GTF2F2: variants seen among roughly 807,000 people sequenced by gnomAD.
The protein encoded by GTF2F2 is general transcription factor IIF subunit 2.
GTF2F2 carries 23 observed loss-of-function variants against 42.2 expected under a neutral mutation model. That is an observed-to-expected ratio of 0.55 (90% CI 0.39 to 0.77). The LOEUF (loss-of-function observed/expected upper bound fraction) is 0.77, where lower values mean the gene tolerates loss of function less well. GTF2F2 is among the 30% of genes least tolerant of loss of function. The probability of loss-of-function intolerance (pLI) is 0.00; values close to 1 mark genes in which losing one functional copy is unlikely to be tolerated. For missense variants in GTF2F2, 261 were observed against 287.2 expected (o/e 0.91, Z 0.66); for synonymous variants, 105 against 100.8 (o/e 1.04, Z -0.25).
chr13:45,280,129 A>G (rs1465096325), intron 7 of GTF2F2, among the ~76,000 whole-genome samples: 1 of 152,226 alleles, frequency 6.6e-6, no homozygotes, highest in Non-Finnish European at 1.5e-5. Context: ...GATAAACGTT[A>G]CAAGGAAGGG....
rs899129187 is a variant in GTF2F2, at chr13:45,207,100, A to G, written c.305-324A>G. On this transcript the variant is annotated intron_variant, in intron 4 of 7. Coordinates refer to ENST00000340473, the MANE Select transcript of GTF2F2 (RefSeq NM_004128.3). ...GTTTTCAGAAGTTACTTCTTTGTCA[A>G]AGACGATAGCCTTTATACTCTTTAA... 1.8e-4 allele frequency: 36 copies of G among 199,554 alleles called. 1 individual carries two copies. Among genetic ancestry groups the G allele is most frequent in the African/African-American group, 6.9e-4 (30 of 43,506 alleles). The allele number at this position is 199,554 out of a possible 1,614,324, so 12.4% of individuals were successfully genotyped here. A position where few individuals can be genotyped will look rare whatever the true frequency, so the allele number is the denominator to read the frequency against.
intron 4 of GTF2F2, among the ~76,000 whole-genome samples, chr13:45,159,820 A>G (rs1188540406): frequency 6.6e-6 from 1 of 152,140 alleles, no homozygotes; most frequent in Non-Finnish European, 1.5e-5. Context: ...GGGAAACATT[A>G]ATTTGGTGCA....
At chr13:45,281,939 C>T (rs980533504) in intron 7 of GTF2F2, among the ~76,000 whole-genome samples, 15 of 152,326 alleles carry the variant, frequency 9.8e-5, no homozygotes, top group African/African-American at 3.4e-4. Context: ...TGGCTCAGGC[C>T]TGTAATCCCA....
At position 45,248,503 on chromosome 13, in the gene GTF2F2, C is replaced by T. The variant is rs186474830; in HGVS notation, c.387-4368C>T. Among the ~76,000 whole-genome samples, 193 of 151,414 alleles carry T rather than the reference C, an allele frequency of 1.3e-3. 2 individuals carry two copies. The highest frequency in any genetic ancestry group is 4.6e-3 in the African/African-American group (188 of 41,262). ...GTTTTTTGTTTTTGAGACGGAGTTT[C>T]GCTCTTGTTGCCCAGACTGGAGTGC... is the stretch of plus-strand genomic sequence containing the variant. On this transcript the variant is annotated intron_variant, in intron 5 of 7. Transcript: ENST00000340473.
intron 5 of GTF2F2, among the ~76,000 whole-genome samples, chr13:45,240,476 AT>A (rs1429425901): frequency 1.3e-5 from 2 of 152,078 alleles, no homozygotes; most frequent in Non-Finnish European, 2.9e-5. Flanking sequence ...GTATGGGAGA[AT>A]TGCTCATTTT....
In GTF2F2 at chr13:45,135,242, C is replaced by T. The variant is rs1218581996; in HGVS notation, c.67-1491C>T. 3.3e-5 allele frequency among the ~76,000 whole-genome samples: 5 copies of T among 151,864 alleles called. No individual in the cohort carries two copies. In the East Asian group the frequency reaches 9.7e-4, roughly 29 times the overall value. The stretch of plus-strand genomic sequence containing the variant: ...GTGCTGAGATTACAGGAGCAAGCCA[C>T]CACACCCCATGAACCCATAGTATCT... On this transcript the variant is annotated intron_variant, in intron 1 of 7. Transcript: ENST00000340473.
At chr13:45,124,077 CT>C in intron 1 of GTF2F2, 1 of 946,144 alleles carries the variant, frequency 1.1e-6, no homozygotes, top group Non-Finnish European at 1.7e-6. Context: ...AATTCATTGT[CT>C]TACCAGGAAA....
intron 4 of GTF2F2, among the ~76,000 whole-genome samples, chr13:45,174,634 C>CT (rs397950608): frequency 0.026 from 2,153 of 81,448 alleles, 30 homozygotes; most frequent in East Asian, 0.061. Flanking sequence ...TTTCTTTTTT[C>CT]TTTTTTTTTT....
At chr13:45,231,436 T>C (rs959384387) in intron 5 of GTF2F2, among the ~76,000 whole-genome samples, 33 of 152,176 alleles carry the variant, frequency 2.2e-4, no homozygotes, top group Non-Finnish European at 4.6e-4. Flanking sequence ...AGTTAAATTA[T>C]TCAAAGTTGA....
intron 4 of GTF2F2, among the ~76,000 whole-genome samples, chr13:45,163,393 A>G (rs1326372561): frequency 6.6e-6 from 1 of 152,062 alleles, no homozygotes; most frequent in Non-Finnish European, 1.5e-5. Context: ...AAAATTAGCC[A>G]GGCATGGTGG....
intron 4 of GTF2F2, among the ~76,000 whole-genome samples, chr13:45,177,605 A>C (rs992063967): frequency 6.6e-6 from 1 of 152,146 alleles, no homozygotes; most frequent in Non-Finnish European, 1.5e-5. Context: ...TATGTGTTCA[A>C]ATGACCCTTA....
In GTF2F2 at chr13:45,245,665, G is replaced by GAA. The variant is rs1374857683; in HGVS notation, c.387-7205_387-7204dup. 2.9e-3 allele frequency among the ~76,000 whole-genome samples: 219 copies of GAA among 74,360 alleles called. 1 individual carries two copies. Among genetic ancestry groups the GAA allele is most frequent in the South Asian group, 3.5e-3 (6 of 1,730 alleles). The allele number at this position is 74,360 out of a possible 152,430, so 48.8% of individuals were successfully genotyped here. The stretch of plus-strand genomic sequence containing the variant: ...ATGGCTGAGTAGTATTCCATGGTGT[G>GAA]AATATATATATATATATATATATAT... On this transcript the variant is annotated intron_variant, in intron 5 of 7. Coordinates refer to ENST00000340473, the MANE Select transcript of GTF2F2 (RefSeq NM_004128.3).
intron 5 of GTF2F2, among the ~76,000 whole-genome samples, chr13:45,229,766 A>G (rs1489766134): frequency 6.6e-6 from 1 of 152,230 alleles, no homozygotes; most frequent in East Asian, 1.9e-4. Flanking sequence ...AGAAATATTC[A>G]GAACACTTAG....
intron 7 of GTF2F2, among the ~76,000 whole-genome samples, chr13:45,274,568 A>G (rs1876945780): frequency 6.6e-6 from 1 of 152,004 alleles, no homozygotes; most frequent in African/African-American, 2.4e-5. Flanking sequence ...TGACCTCGTG[A>G]TCCGCCCACC....
intron 1 of GTF2F2, among the ~76,000 whole-genome samples, chr13:45,131,260 T>A (rs778416591): frequency 4.7e-5 from 7 of 149,928 alleles, no homozygotes; most frequent in Admixed American, 4.6e-4. Flanking sequence ...AAGGACTGAA[T>A]CCAGTGCCCA....
intron 1 of GTF2F2, among the ~76,000 whole-genome samples, chr13:45,123,828 T>A (rs1216572843): frequency 6.7e-6 from 1 of 149,620 alleles, no homozygotes; most frequent in Non-Finnish European, 1.5e-5. Context: ...CACAGGGGAC[T>A]TTATTGATGG....
Position 45,209,791 on chromosome 13 carries a change from C to T in GTF2F2, c.386+2286C>T, listed in dbSNP as rs189101180. Among the ~76,000 whole-genome samples the T allele has an allele frequency of 3.2e-3, 492 of 152,336 alleles. 1 individual carries two copies. The highest frequency in any genetic ancestry group is 6.4e-3 in the Non-Finnish European group (432 of 68,024). ...GATCTTTCCCGCAAAACCCGCTCTA[C>T]TAGCACTTTTCTTGTCTCAGTTAAT... On this transcript the variant is annotated intron_variant, in intron 5 of 7. Coordinates refer to ENST00000340473, the MANE Select transcript of GTF2F2 (RefSeq NM_004128.3).
chr13:45,200,893 GAGTC>G, intron 4 of GTF2F2, among the ~76,000 whole-genome samples: 1 of 152,208 alleles, frequency 6.6e-6, no homozygotes. Context: ...ATGTAATTAA[GAGTC>G]AGGAGAGTAA....
In GTF2F2 at chr13:45,233,231, A is replaced by C. The variant is rs1241787027; in HGVS notation, c.387-19640A>C. On this transcript the variant is annotated intron_variant, in intron 5 of 7. Coordinates refer to ENST00000340473, the MANE Select transcript of GTF2F2 (RefSeq NM_004128.3). Reference sequence around the variant, plus strand: ...AAAGCCACTGCATTCTAGCCTGGGCAGCATCGTGAGACCCCATCTCTGCAA... The same window carrying C: ...AAAGCCACTGCATTCTAGCCTGGGCCGCATCGTGAGACCCCATCTCTGCAA... Among the ~76,000 whole-genome samples, 5 of 152,228 alleles carry C rather than the reference A, an allele frequency of 3.3e-5. No homozygotes were observed. The East Asian group carries it at 7.7e-4, about 23-fold the overall frequency.
Sources: gnomAD v4.1 joint callset for allele counts (sites outside exome capture counted in the v4.1 genomes callset) on GRCh38, gnomAD v4.1.1 for gene constraint, MANE v1.5 for transcripts, NCBI Gene and HGNC (gene_info 2026-07-23, HGNC 2026-07-21) for gene names.